The following ROBO1 variants were observed in gnomAD, a reference collection of about 807,000 sequenced individuals.
The protein encoded by ROBO1 is roundabout guidance receptor 1, also known as roundabout homolog 1.
Under a neutral mutation model 195.9 loss-of-function variants are expected in ROBO1, and 149 were observed. That is an observed-to-expected ratio of 0.76 (90% CI 0.67 to 0.87). The LOEUF is 0.87. ROBO1 is among the 40% of genes least tolerant of loss of function. The pLI, the probability that ROBO1 is intolerant of heterozygous loss-of-function variation, is 0.00. For missense variants in ROBO1, 1,933 were observed against 2,068.3 expected (o/e 0.93, Z 1.27); for synonymous variants, 816 against 733.2 (o/e 1.11, Z -1.82).
chr3:78,904,200 C>T (rs116530612), intron 4 of ROBO1, among the ~76,000 whole-genome samples: 4 of 151,802 alleles, frequency 2.6e-5, no homozygotes, highest in South Asian at 2.1e-4. Context: ...CAATCATATA[C>T]CACACTTATT....
chr3:79,109,302 A>T lies in ROBO1; in HGVS notation c.172+16154T>A, dbSNP rs149524615. On this transcript the variant is annotated intron_variant, in intron 3 of 30. Coordinates refer to ENST00000464233, the MANE Select transcript of ROBO1 (RefSeq NM_002941.4). ...ATGCTGTATTATATAATGGAATCTA[A>T]TAGAACTGTAATAATTCTTAAGAAT... is the stretch of plus-strand genomic sequence containing the variant. 7.8e-3 allele frequency among the ~76,000 whole-genome samples: 1,193 copies of T among 152,128 alleles called. 8 individuals are homozygous for T. The highest frequency in any genetic ancestry group is 0.027 in the Middle Eastern group (8 of 294).
At chr3:78,844,314 T>C (rs1418596090) in intron 4 of ROBO1, among the ~76,000 whole-genome samples, 1 of 152,134 alleles carries the variant, frequency 6.6e-6, no homozygotes, top group Non-Finnish European at 1.5e-5. Context: ...CAATAAAGAT[T>C]TTTCTGACCT....
intron 2 of ROBO1, among the ~76,000 whole-genome samples, chr3:79,560,708 G>C (rs1045472301): frequency 2.0e-4 from 30 of 151,582 alleles, no homozygotes; most frequent in African/African-American, 7.3e-4. Flanking sequence ...ATCACATTTA[G>C]TCTGTCATCA....
chr3:79,045,923 A>G (rs1335509427), intron 3 of ROBO1, among the ~76,000 whole-genome samples: 1 of 152,126 alleles, frequency 6.6e-6, no homozygotes, highest in Non-Finnish European at 1.5e-5. Context: ...TAAAGTCATT[A>G]TTTTCACTAA....
chr3:79,125,385 A>G (rs2080195923), intron 3 of ROBO1, 71 bp downstream of exon 3: 2 of 1,202,170 alleles, frequency 1.7e-6, no homozygotes, highest in Non-Finnish European at 2.4e-6. Context: ...AATTTTATAC[A>G]GGTGGTTGAT....
chr3:78,940,650 T>C (rs2040080408), intron 3 of ROBO1, among the ~76,000 whole-genome samples: 1 of 152,242 alleles, frequency 6.6e-6, no homozygotes, highest in Non-Finnish European at 1.5e-5. Flanking sequence ...CTCTCTCTAA[T>C]CTTTACAAGT....
chr3:78,733,722 T>G (rs1186005494), intron 5 of ROBO1, among the ~76,000 whole-genome samples: 1 of 152,198 alleles, frequency 6.6e-6, no homozygotes, highest in Non-Finnish European at 1.5e-5. Context: ...TTTGGCAAAC[T>G]ACTTTAACCT....
chr3:79,712,690 A>C (rs1702322079), intron 1 of ROBO1, among the ~76,000 whole-genome samples: 1 of 152,104 alleles, frequency 6.6e-6, no homozygotes, highest in South Asian at 2.1e-4. Flanking sequence ...CAACTGGAAA[A>C]AAAATGTCAT....
chr3:78,809,416 G>A (rs145666701), intron 4 of ROBO1, among the ~76,000 whole-genome samples: 40,226 of 152,022 alleles, frequency 0.26, 5,495 homozygotes, highest in Non-Finnish European at 0.28. Flanking sequence ...TTCAACCATT[G>A]TGGAAGACGG....
intron 1 of ROBO1, among the ~76,000 whole-genome samples, chr3:79,655,894 CATATAAAGATGTGAA>C: frequency 6.6e-6 from 1 of 152,090 alleles, no homozygotes; most frequent in Admixed American, 6.5e-5. Flanking sequence ...AATGATAATA[CATATAAAGATGTGAA>C]TTAGAGTTTT....
intron 2 of ROBO1, among the ~76,000 whole-genome samples, chr3:79,403,150 G>C (rs1000874843): frequency 6.6e-6 from 1 of 151,684 alleles, no homozygotes; most frequent in African/African-American, 2.4e-5. Context: ...GTTTTTCTCA[G>C]GCAAGAAAAA....
intron 3 of ROBO1, among the ~76,000 whole-genome samples, chr3:78,960,676 A>T (rs2041287264): frequency 6.6e-6 from 1 of 151,712 alleles, no homozygotes; most frequent in Non-Finnish European, 1.5e-5. Context: ...GTTCCTCGGG[A>T]GGCTGAGGCA....
At chr3:78,724,164 A>G (rs2082108529) in intron 5 of ROBO1, among the ~76,000 whole-genome samples, 1 of 152,198 alleles carries the variant, frequency 6.6e-6, no homozygotes, top group Non-Finnish European at 1.5e-5. Context: ...GAAACATGCC[A>G]GTTTTCAATT....
chr3:79,373,195 A>T (rs1319169278), intron 2 of ROBO1, among the ~76,000 whole-genome samples: 1 of 152,238 alleles, frequency 6.6e-6, no homozygotes, highest in Middle Eastern at 3.2e-3. Flanking sequence ...CCATATTTGT[A>T]ACTACCAAGA....
intron 4 of ROBO1, among the ~76,000 whole-genome samples, chr3:78,879,121 T>C (rs1402608381): frequency 6.6e-6 from 1 of 152,202 alleles, no homozygotes; most frequent in Non-Finnish European, 1.5e-5. Context: ...CTAAACTAAA[T>C]GGTATGTGTA....
chr3:79,207,312 T>C (rs1461055822), intron 2 of ROBO1, among the ~76,000 whole-genome samples: 1 of 152,156 alleles, frequency 6.6e-6, no homozygotes, highest in Non-Finnish European at 1.5e-5. Context: ...ACAATGCCTC[T>C]TATTTGTCAA....
intron 4 of ROBO1, among the ~76,000 whole-genome samples, chr3:78,778,655 TG>T (rs1374757546): frequency 6.6e-6 from 1 of 152,218 alleles, no homozygotes; most frequent in African/African-American, 2.4e-5. Flanking sequence ...TGCTCATGGA[TG>T]GGAAGAATCA....
intron 4 of ROBO1, among the ~76,000 whole-genome samples, chr3:78,826,196 G>C (rs2031581978): frequency 6.6e-6 from 1 of 152,128 alleles, no homozygotes; most frequent in Non-Finnish European, 1.5e-5. Flanking sequence ...GAAAAGACTA[G>C]CTAGTTTGTA....
rs766491163 is a variant in ROBO1 at position 78,661,142 on chromosome 3, C to A, written c.2208G>T (p.Val736=). The A allele has an allele frequency of 6.2e-7, 1 of 1,613,568 alleles. No individual in the cohort carries two copies. The highest frequency in any genetic ancestry group is 1.7e-5 in the Admixed American group (1 of 59,972). ...CTCCCTTTCTGAGATCAGGGATTAC[C>A]ACACTGTTTTTGGCTGGCGTCCTCA... The part of the protein sequence containing the change: ...FEVRTPAKNS[V]VIPDLRKGVN... The change falls in exon 16 of 31, where the codon GTG becomes GTT. Residue 736 remains valine, a synonymous_variant. Transcript: ENST00000464233.
Sources: allele counts gnomAD v4.1 joint callset (sites outside exome capture counted in the v4.1 genomes callset), GRCh38; gene constraint gnomAD v4.1.1; transcripts MANE v1.5; gene names NCBI Gene and HGNC (gene_info 2026-07-23, HGNC 2026-07-21).